Variants in ZNF560 observed in about 807,000 individuals in gnomAD.
ZNF560 encodes zinc finger protein 560.
A neutral mutation model predicts 81.8 loss-of-function variants in ZNF560; 54 were observed. The observed-to-expected ratio is 0.66, with a 90% CI of 0.53 to 0.83. ZNF560 has a LOEUF of 0.83. Ranked by LOEUF, ZNF560 falls within the 40% of genes least tolerant of loss-of-function variation. ZNF560 has a pLI of 0.00. For synonymous variants in ZNF560, 321 were observed against 317.9 expected, an observed-to-expected ratio of 1.01 and a Z score of -0.10; for missense variants, 940 against 932.4, an observed-to-expected ratio of 1.01 and a Z score of -0.11.
chr19:9,461,578 A>G (rs942783032), downstream of ZNF560, among the ~76,000 whole-genome samples: 3 of 152,210 alleles, frequency 2.0e-5, no homozygotes, highest in Non-Finnish European at 2.9e-5. Flanking sequence ...AATAATGGCA[A>G]AAGAATTCTA....
At chr19:9,487,952 A>G (rs971367) in intron 2 of ZNF560, among the ~76,000 whole-genome samples, 22,872 of 152,114 alleles carry the variant, frequency 0.15, 2,578 homozygotes, top group African/African-American at 0.31. Flanking sequence ...CTTAAACCCC[A>G]CTATGATTTG....
intron 2 of ZNF560, among the ~76,000 whole-genome samples, chr19:9,482,273 G>A (rs2144709284): frequency 6.6e-6 from 1 of 152,096 alleles, no homozygotes; most frequent in Middle Eastern, 3.4e-3. Context: ...AGGGCCTGTT[G>A]TGGGGTGGGG....
At chr19:9,465,976 A>G (rs909728259), downstream of ZNF560, among the ~76,000 whole-genome samples, 1 of 152,022 alleles carries the variant, frequency 6.6e-6, no homozygotes, top group East Asian at 1.9e-4. Context: ...CCTGGGCTAC[A>G]GAGTGGGACT....
At chr19:9,483,566 C>T (rs1410261467) in intron 2 of ZNF560, among the ~76,000 whole-genome samples, 133 of 145,752 alleles carry the variant, frequency 9.1e-4, no homozygotes, top group South Asian at 2.2e-3. Context: ...CCAGCCGCCC[C>T]GTCCGGGAGG....
Position 9,468,249 on chromosome 19 carries a change from A to C in ZNF560, c.698T>G (p.Met233Arg). 6.2e-7 allele frequency: 1 copy of C among 1,614,090 alleles called. No individual in the cohort carries two copies. The highest frequency in any genetic ancestry group is 8.5e-7 in the Non-Finnish European group (1 of 1,180,002). ...FCKHPCLKTNMSTQNRGNTSE... is the reference protein window; with the variant it reads ...FCKHPCLKTNRSTQNRGNTSE... The stretch of plus-strand genomic sequence containing the variant: ...CGTGTTGCCTCTATTTTGAGTACTC[A>C]TGTTGGTCTTAAGGCATGGATGTTT... The change falls in exon 10 of 10, where the codon ATG becomes AGG. Residue 233 changes from methionine to arginine, a missense_variant. By Grantham distance (91) the Met-to-Arg change is moderately conservative. Transcript: ENST00000301480.
intron 2 of ZNF560, among the ~76,000 whole-genome samples, chr19:9,484,627 C>CA (rs60283585): frequency 0.037 from 2,974 of 79,710 alleles, 56 homozygotes; most frequent in Middle Eastern, 0.11. Context: ...ACCGAAAATA[C>CA]AAAAAAAAAA....
chr19:9,488,352 T>C (rs1336058024), intron 2 of ZNF560, among the ~76,000 whole-genome samples: 1 of 152,136 alleles, frequency 6.6e-6, no homozygotes, highest in Non-Finnish European at 1.5e-5. Flanking sequence ...TATTATGTCA[T>C]AGCAATAATA....
chr19:9,468,946 T>C (rs1037165552), intron 9 of ZNF560, among the ~76,000 whole-genome samples, 159 bp downstream of exon 9: 9 of 152,062 alleles, frequency 5.9e-5, no homozygotes, highest in African/African-American at 2.2e-4. Context: ...GCCAGGCTGG[T>C]CTCGAACTCC....
chr19:9,471,928 G>T (rs1300350249), intron 5 of ZNF560, among the ~76,000 whole-genome samples: 1 of 152,132 alleles, frequency 6.6e-6, no homozygotes, highest in African/African-American at 2.4e-5. Context: ...GGCTAACACG[G>T]TGGAACACCA....
At chr19:9,490,023 T>C (rs781695393) in intron 2 of ZNF560, among the ~76,000 whole-genome samples, 3 of 152,238 alleles carry the variant, frequency 2.0e-5, no homozygotes, top group African/African-American at 7.2e-5. Flanking sequence ...GATTGAAACT[T>C]GTACTCATGA....
At chr19:9,464,524 C>T (rs1036586421), downstream of ZNF560, among the ~76,000 whole-genome samples, 1 of 152,184 alleles carries the variant, frequency 6.6e-6, no homozygotes, top group Non-Finnish European at 1.5e-5. Context: ...CCTTCTTCAA[C>T]CCTGACCATT....
chr19:9,451,458 A>T, the ZNF560 span, among the ~76,000 whole-genome samples: 1 of 152,214 alleles, frequency 6.6e-6, no homozygotes, highest in Non-Finnish European at 1.5e-5. Flanking sequence ...TTCACCATAT[A>T]CAAAAATTCA....
intron 2 of ZNF560, among the ~76,000 whole-genome samples, chr19:9,495,492 T>C (rs11879499): frequency 0.018 from 2,790 of 152,260 alleles, 80 homozygotes; most frequent in African/African-American, 0.055. Flanking sequence ...AATCACTTGA[T>C]GCCAGGTGTT....
At chr19:9,477,484 A>G (rs73020108) in intron 2 of ZNF560, among the ~76,000 whole-genome samples, 15,986 of 152,208 alleles carry the variant, frequency 0.11, 991 homozygotes, top group South Asian at 0.2. Context: ...AAGAATTAGA[A>G]CAAGAATGTC....
At chr19:9,475,010 T>C (rs1385373659) in intron 3 of ZNF560, among the ~76,000 whole-genome samples, 1 of 152,000 alleles carries the variant, frequency 6.6e-6, no homozygotes, top group Non-Finnish European at 1.5e-5. Context: ...TTCATCTTCC[T>C]TTCCATCTGC....
intron 2 of ZNF560, among the ~76,000 whole-genome samples, chr19:9,484,134 A>G (rs2144713785): frequency 6.6e-6 from 1 of 152,300 alleles, no homozygotes. Context: ...AATCTCAAGT[A>G]CCCAGAGACA....
the ZNF560 span, among the ~76,000 whole-genome samples, chr19:9,454,289 C>G: frequency 2.0e-5 from 3 of 152,242 alleles, no homozygotes; most frequent in African/African-American, 7.2e-5. Flanking sequence ...CTCTGAAGGT[C>G]TCATTGCACT....
upstream of ZNF560, among the ~76,000 whole-genome samples, chr19:9,499,766 C>A (rs2073616414): frequency 6.6e-6 from 1 of 152,122 alleles, no homozygotes; most frequent in Non-Finnish European, 1.5e-5. Context: ...TAAACTCTTT[C>A]AGTAATGTTT....
chr19:9,483,079 C>T (rs1599668663), intron 2 of ZNF560, among the ~76,000 whole-genome samples: 4 of 151,852 alleles, frequency 2.6e-5, no homozygotes, highest in South Asian at 2.1e-4. Flanking sequence ...TCTGCCCGGC[C>T]GCCACCCCGT....
Sources: allele counts gnomAD v4.1 joint callset (sites outside exome capture counted in the v4.1 genomes callset), GRCh38; gene constraint gnomAD v4.1.1; transcripts MANE v1.5; gene names NCBI Gene and HGNC (gene_info 2026-07-23, HGNC 2026-07-21).